The following EPS8 variants were observed in gnomAD, a reference collection of about 807,000 sequenced individuals.
EPS8 encodes epidermal growth factor receptor kinase substrate 8.
Under a neutral mutation model 103.8 loss-of-function variants are expected in EPS8, and 42 were observed. That is an observed-to-expected ratio of 0.40 (90% confidence interval 0.32 to 0.52). The LOEUF is 0.52. Among genes scored for constraint, EPS8 ranks in the 20% least tolerant of loss-of-function variants. The probability of loss-of-function intolerance (pLI) is 0.40; values close to 1 mark genes in which losing one functional copy is unlikely to be tolerated. For missense variants in EPS8, 969 were observed against 1,005.1 expected, an observed-to-expected ratio of 0.96 and a Z score of 0.49; for synonymous variants, 344 against 344.6, an observed-to-expected ratio of 1.00 and a Z score of 0.02.
At chr12:15,639,864 C>T (rs992700623) in intron 17 of EPS8, among the ~76,000 whole-genome samples, 2 of 152,176 alleles carry the variant, frequency 1.3e-5, no homozygotes, top group Non-Finnish European at 1.5e-5. Flanking sequence ...CAGATGTGAT[C>T]TTTTTCTCGA....
intron 3 of EPS8, 31 bp from the exon 4 acceptor site, chr12:15,670,954 G>A (rs370172422): frequency 1.3e-6 from 2 of 1,543,742 alleles, no homozygotes; most frequent in Non-Finnish European, 1.8e-6. Context: ...GCCATGATTT[G>A]TCCCCTAATA....
chr12:15,773,985 C>T (rs1472285454), intron 1 of EPS8, among the ~76,000 whole-genome samples: 2 of 152,076 alleles, frequency 1.3e-5, no homozygotes, highest in Admixed American at 6.5e-5. Flanking sequence ...ATTTCTTTAA[C>T]AGCCTCATCT....
rs145879565 is a variant in EPS8 at position 15,623,163 on chromosome 12, A to G, written c.2350T>C (p.Leu784=). The G allele has an allele frequency of 1.0e-5, 16 of 1,606,048 alleles. No individual in the cohort carries two copies. Among genetic ancestry groups the G allele is most frequent in the East Asian group, 2.2e-5 (1 of 44,818 alleles). Residue 784 remains leucine, a synonymous_variant, in exon 20 of 21, where the codon TTG becomes CTG. Coordinates refer to ENST00000281172, the MANE Select transcript of EPS8 (RefSeq NM_004447.6). ...YSQITVQKAA[L]EDSSGSSELQ... is the part of the protein sequence containing the mutation. ...CTTAGGTTGACAAGTCATACCTCCA[A>G]TGCAGCTTTTTGTACAGTGATTTGG... is the stretch of plus-strand genomic sequence containing the variant.
chr12:15,722,486 A>C (rs566903129), intron 1 of EPS8, among the ~76,000 whole-genome samples: 14 of 152,172 alleles, frequency 9.2e-5, no homozygotes, highest in Non-Finnish European at 1.8e-4. Context: ...CTTAATGTAA[A>C]ATTCTAAAGA....
In EPS8 at chr12:15,665,855, G is replaced by A. The variant is rs1195238115; in HGVS notation, c.637C>T (p.Pro213Ser). Residue 213 changes from proline to serine, a missense_variant, in exon 8 of 21, where the codon CCC (proline) becomes TCC (serine). Pro to Ser is a moderately conservative substitution (Grantham distance 74, BLOSUM62 -1). Coordinates refer to ENST00000281172, the MANE Select transcript of EPS8 (RefSeq NM_004447.6). The part of the protein sequence containing the change: ...SNADPSIPPP[P>S]RAPAPAPPGT... Reference sequence around the variant, plus strand: ...GGGGGCGCAGGGGCAGGAGCTCTGGGTGGAGGCGGTATACTAGGGTCTGCA... The same window carrying A: ...GGGGGCGCAGGGGCAGGAGCTCTGGATGGAGGCGGTATACTAGGGTCTGCA... The A allele has an allele frequency of 1.9e-6, 3 of 1,613,998 alleles. No individual in the cohort carries two copies. The highest frequency in any genetic ancestry group is 1.7e-6 in the Non-Finnish European group (2 of 1,179,960).
intron 6 of EPS8, among the ~76,000 whole-genome samples, chr12:15,667,041 C>T (rs1409817571): frequency 6.6e-6 from 1 of 152,194 alleles, no homozygotes; most frequent in Non-Finnish European, 1.5e-5. Flanking sequence ...AGTTAACTTT[C>T]TGCAAACAAT....
chr12:15,675,028 CAAG>C (rs1400591110), intron 3 of EPS8, among the ~76,000 whole-genome samples: 1 of 151,760 alleles, frequency 6.6e-6, no homozygotes. Context: ...AGGAGATAGA[CAAG>C]AAGAGAAAGA....
chr12:15,766,671 T>C (rs1467398689), intron 1 of EPS8, among the ~76,000 whole-genome samples: 4 of 147,628 alleles, frequency 2.7e-5, no homozygotes, highest in Admixed American at 2.7e-4. Flanking sequence ...AGAGTGAAAC[T>C]CTGTCTCCAA....
intron 3 of EPS8, among the ~76,000 whole-genome samples, chr12:15,671,316 T>C (rs192305313): frequency 7.0e-4 from 107 of 152,244 alleles, no homozygotes; most frequent in African/African-American, 2.5e-3. Flanking sequence ...TTGCAAATAT[T>C]GTCATAGATA....
Position 15,714,740 on chromosome 12 carries a change from T to G in EPS8, c.-21-31768A>C, listed in dbSNP as rs535316659. Among the ~76,000 whole-genome samples the G allele has an allele frequency of 1.2e-4, 19 of 152,326 alleles. 1 individual carries two copies. Among genetic ancestry groups the G allele is most frequent in the Middle Eastern group, 3.4e-3 (1 of 294 alleles). On this transcript the variant is annotated intron_variant, in intron 1 of 20. Coordinates refer to ENST00000281172, the MANE Select transcript of EPS8 (RefSeq NM_004447.6). The surrounding 1 kb of genome is among the most constrained non-coding windows in gnomAD (Gnocchi z 4.1). ...ATGGGTAAAAAACAAAAATACATTC[T>G]CTGTATAGTGCACTCAGAGTTTTCA...
intron 13 of EPS8, 36 bp downstream of exon 13, chr12:15,654,109 A>T: frequency 1.3e-6 from 2 of 1,589,322 alleles, no homozygotes; most frequent in Admixed American, 3.4e-5. Context: ...TTAACAAAGA[A>T]TGGTACTTAA....
At chr12:15,646,308 T>C (rs78322759) in intron 15 of EPS8, among the ~76,000 whole-genome samples, 1,921 of 152,198 alleles carry the variant, frequency 0.013, 40 homozygotes, top group African/African-American at 0.044. Context: ...GAAAAGAGTA[T>C]ACAGAAAAGA....
chr12:15,786,822 C>T (rs994201232), intron 1 of EPS8, among the ~76,000 whole-genome samples: 1 of 152,098 alleles, frequency 6.6e-6, no homozygotes, highest in South Asian at 2.1e-4. Flanking sequence ...TTTTCAATCA[C>T]TAACAGCTGC....
intron 1 of EPS8, among the ~76,000 whole-genome samples, chr12:15,742,596 G>T (rs1489847384): frequency 6.6e-6 from 1 of 152,134 alleles, no homozygotes; most frequent in African/African-American, 2.4e-5. Context: ...GGGATGCAAG[G>T]CTGGTTCAAC....
At chr12:15,661,292 C>T (rs1315330454) in intron 9 of EPS8, among the ~76,000 whole-genome samples, 1 of 152,082 alleles carries the variant, frequency 6.6e-6, no homozygotes, top group Non-Finnish European at 1.5e-5. Context: ...GTCTTAGTTG[C>T]CTTTCTCCAG....
intron 19 of EPS8, among the ~76,000 whole-genome samples, 162 bp downstream of exon 19, chr12:15,624,065 T>C (rs1944903802): frequency 6.6e-6 from 1 of 152,234 alleles, no homozygotes; most frequent in Non-Finnish European, 1.5e-5. Context: ...TTTTAGTTCT[T>C]TTTCAGCTAT....
rs901412565 is a variant in EPS8 at position 15,772,095 on chromosome 12, G to A, written c.-22+17066C>T. ...ACATGATTAGCAGTGAGAGACGGAA[G>A]AGGAGAGTGCTCTATCAGCCATTTG... On this transcript the variant is annotated intron_variant, in intron 1 of 20. Coordinates refer to ENST00000281172, the MANE Select transcript of EPS8 (RefSeq NM_004447.6). The surrounding 1 kb of genome is among the most constrained non-coding windows in gnomAD (Gnocchi z 5.0). Among the ~76,000 whole-genome samples, 1 of 152,142 alleles carries A rather than the reference G, an allele frequency of 6.6e-6. No individual in the cohort carries two copies. The highest frequency in any genetic ancestry group is 2.4e-5 in the African/African-American group (1 of 41,430).
In EPS8 at chr12:15,780,860, A is replaced by G. The variant is rs1947254470; in HGVS notation, c.-22+8301T>C. On this transcript the variant is annotated intron_variant, in intron 1 of 20. Coordinates refer to ENST00000281172, the MANE Select transcript of EPS8 (RefSeq NM_004447.6). This position sits in a 1 kb window ranked among gnomAD's most constrained non-coding sequence, Gnocchi z 4.1. Reference sequence around the variant, plus strand: ...GAAATGTAGTAATGCTCAACTTCCTATGTGAGGAAAACTCATGCCCTTTTA... The same window carrying G: ...GAAATGTAGTAATGCTCAACTTCCTGTGTGAGGAAAACTCATGCCCTTTTA... 6.6e-6 allele frequency: 1 copy of G among 152,188 alleles called. No individual in the cohort carries two copies. Among genetic ancestry groups the G allele is most frequent in the Non-Finnish European group, 1.5e-5 (1 of 68,024 alleles). 9.4% of individuals were successfully genotyped at this position (152,188 alleles called of 1,614,324 possible). A position where few individuals can be genotyped will look rare whatever the true frequency, so the allele number is the denominator to read the frequency against.
At chr12:15,708,145 C>T (rs1419050976) in intron 1 of EPS8, among the ~76,000 whole-genome samples, 1 of 152,192 alleles carries the variant, frequency 6.6e-6, no homozygotes, top group Non-Finnish European at 1.5e-5. Flanking sequence ...TATCTGTAAT[C>T]TACAAAGTAA....
Sources: allele counts gnomAD v4.1 joint callset (sites outside exome capture counted in the v4.1 genomes callset), GRCh38; gene constraint gnomAD v4.1.1; non-coding constraint Gnocchi (gnomAD v3.1); transcripts MANE v1.5; gene names NCBI Gene and HGNC (gene_info 2026-07-23, HGNC 2026-07-21).